Variants in TMEM232 observed in about 807,000 individuals in gnomAD.
TMEM232 encodes the protein transmembrane protein 232.
In TMEM232, 80 loss-of-function variants were observed where a neutral mutation model predicts 78.8. The ratio of observed to expected loss-of-function variants is 1.01; its 90% CI spans 0.85 to 1.22. The LOEUF is 1.22. Among genes scored for constraint, TMEM232 ranks in the 50% most tolerant of loss-of-function variants. The pLI, the probability that TMEM232 is intolerant of heterozygous loss-of-function variation, is 0.00. For missense variants in TMEM232, 881 were observed against 742.2 expected, an observed-to-expected ratio of 1.19 and a Z score of -2.17; for synonymous variants, 297 against 254.3, an observed-to-expected ratio of 1.17 and a Z score of -1.60.
chr5:110,502,517 C>G (rs1296227034), intron 12 of TMEM232, among the ~76,000 whole-genome samples: 1 of 152,140 alleles, frequency 6.6e-6, no homozygotes, highest in African/African-American at 2.4e-5. Context: ...ACCTTTAGAC[C>G]ATGATCCTTT....
At chr5:110,713,064 C>T (rs2150319620) in intron 1 of TMEM232, among the ~76,000 whole-genome samples, 1 of 151,798 alleles carries the variant, frequency 6.6e-6, no homozygotes, top group East Asian at 1.9e-4. Context: ...CAATGGAGTA[C>T]TATTCAGCCA....
intron 13 of TMEM232, among the ~76,000 whole-genome samples, chr5:110,421,606 G>T (rs1756655740): frequency 6.6e-6 from 1 of 152,006 alleles, no homozygotes; most frequent in East Asian, 1.9e-4. Context: ...CTCAGCTCAT[G>T]CATATACACA....
At chr5:110,511,357 G>A (rs1003522882) in intron 12 of TMEM232, among the ~76,000 whole-genome samples, 6 of 151,678 alleles carry the variant, frequency 4.0e-5, no homozygotes, top group African/African-American at 1.5e-4. Context: ...ATGGGTTGAT[G>A]GGTACAGCAA....
At chr5:110,697,526 A>G (rs1794939920) in intron 1 of TMEM232, among the ~76,000 whole-genome samples, 1 of 152,206 alleles carries the variant, frequency 6.6e-6, no homozygotes, top group South Asian at 2.1e-4. Context: ...ACAGAATGGG[A>G]GAAAATTTTT....
chr5:110,526,189 C>T lies in TMEM232; in HGVS notation c.1703+2399G>A, dbSNP rs141241705. Reference sequence around the variant, plus strand: ...TTTTCATAAATAGAACAAAAAAATCCATAAACCACAGAGGAAAATTAATAA... The same window carrying T: ...TTTTCATAAATAGAACAAAAAAATCTATAAACCACAGAGGAAAATTAATAA... On this transcript the variant is annotated intron_variant, in intron 12 of 13. Transcript: ENST00000455884. Among the ~76,000 whole-genome samples the T allele has an allele frequency of 8.6e-5, 13 of 150,418 alleles. No homozygotes were observed. In the East Asian group the frequency reaches 1.6e-3, roughly 18 times the overall value.
At chr5:110,388,987 G>A (rs1040525378) in intron 4 of TMEM232, among the ~76,000 whole-genome samples, 1 of 152,266 alleles carries the variant, frequency 6.6e-6, no homozygotes, top group African/African-American at 2.4e-5. Context: ...GGGGCCGGGT[G>A]CAGTGGCTCA....
chr5:110,602,415 T>C (rs1316228373), intron 10 of TMEM232, among the ~76,000 whole-genome samples: 2 of 151,418 alleles, frequency 1.3e-5, no homozygotes, highest in African/African-American at 4.9e-5. Context: ...AGGTCTAATA[T>C]CCAGAATCTA....
At chr5:110,620,552 T>C (rs1783500291) in intron 7 of TMEM232, among the ~76,000 whole-genome samples, 1 of 143,280 alleles carries the variant, frequency 7.0e-6, no homozygotes, top group African/African-American at 2.6e-5. Context: ...AGACATCCCA[T>C]AGTTCCTTGT....
At position 110,606,236 on chromosome 5, in the gene TMEM232, G is replaced by A. The variant is rs763386855; in HGVS notation, c.954C>T (p.Asn318=). 4.5e-6 allele frequency: 7 copies of A among 1,543,652 alleles called. No individual in the cohort carries two copies. Among genetic ancestry groups the A allele is most frequent in the South Asian group, 1.2e-5 (1 of 83,092 alleles). ...LLVLGEAAKL[N]MACLKALMDV... ...CCATTAAAGCTTTCAAGCAGGCCAT[G>A]TTTAATTTGGCAGCCTCCCCAAGGA... Residue 318 remains asparagine, a synonymous_variant, in exon 9 of 14, where the codon AAC becomes AAT. Transcript: ENST00000455884.
intron 12 of TMEM232, among the ~76,000 whole-genome samples, chr5:110,501,953 G>T (rs1303905122): frequency 6.6e-6 from 1 of 152,018 alleles, no homozygotes; most frequent in East Asian, 1.9e-4. Context: ...ATATTGAATT[G>T]TTTGTTACTA....
chr5:110,541,809 A>C (rs932099810), intron 11 of TMEM232, among the ~76,000 whole-genome samples: 1 of 152,188 alleles, frequency 6.6e-6, no homozygotes, highest in Non-Finnish European at 1.5e-5. Context: ...TGATCCAGAA[A>C]CAGCCAGTTT....
chr5:110,505,756 C>G (rs1766813150), intron 12 of TMEM232, among the ~76,000 whole-genome samples: 1 of 152,170 alleles, frequency 6.6e-6, no homozygotes, highest in South Asian at 2.1e-4. Flanking sequence ...GTGATCTGCC[C>G]TTCTCAGCCT....
intron 1 of TMEM232, among the ~76,000 whole-genome samples, chr5:110,686,760 AG>A (rs1793466577): frequency 6.6e-6 from 1 of 152,194 alleles, no homozygotes; most frequent in Admixed American, 6.6e-5. Context: ...ACAGTATAGA[AG>A]CATATTTCTC....
intron 2 of TMEM232, among the ~76,000 whole-genome samples, chr5:110,646,036 T>C (rs1000574863): frequency 6.6e-6 from 1 of 151,570 alleles, no homozygotes; most frequent in Non-Finnish European, 1.5e-5. Flanking sequence ...CTGAAAATTA[T>C]AAAACATTTA....
chr5:110,388,942 G>A (rs977143813), intron 4 of TMEM232, among the ~76,000 whole-genome samples: 2 of 152,130 alleles, frequency 1.3e-5, no homozygotes, highest in African/African-American at 2.4e-5. Context: ...TGTGTTGGAG[G>A]AGAGAAAAAT....
At chr5:110,430,597 A>G (rs1757722539) in intron 12 of TMEM232, among the ~76,000 whole-genome samples, 1 of 151,796 alleles carries the variant, frequency 6.6e-6, no homozygotes, top group Admixed American at 6.6e-5. Flanking sequence ...TTCTAAAAAT[A>G]TGTTTTTGTT....
chr5:110,508,216 TATG>T (rs1328777095), intron 12 of TMEM232, among the ~76,000 whole-genome samples: 1 of 152,106 alleles, frequency 6.6e-6, no homozygotes, highest in East Asian at 1.9e-4. Context: ...TCACTTCAGA[TATG>T]ATGGATGCTT....
At position 110,420,762 on chromosome 5, in the gene TMEM232, A is replaced by G; in HGVS notation, c.1798-6T>C. 6.6e-7 allele frequency: 1 copy of G among 1,509,562 alleles called. No homozygotes were observed. Among genetic ancestry groups the G allele is most frequent in the Non-Finnish European group, 8.8e-7 (1 of 1,138,558 alleles). 93.5% of individuals were successfully genotyped at this position (1,509,562 alleles called of 1,614,324 possible). On this transcript the variant is annotated splice_polypyrimidine_tract_variant and splice_region_variant and intron_variant, in intron 13 of 13. Coordinates refer to ENST00000455884, the MANE Select transcript of TMEM232 (RefSeq NM_001039763.4). ...ATCTTTAGCTCTTCCTGCCACTGTT[A>G]CAGAGAGAAAACGTCATTCACATGA...
intron 12 of TMEM232, among the ~76,000 whole-genome samples, chr5:110,474,631 C>T (rs1763049481): frequency 6.6e-6 from 1 of 151,804 alleles, no homozygotes; most frequent in African/African-American, 2.4e-5. Flanking sequence ...AATTGTTATC[C>T]TTAGTGACTT....
Sources: gnomAD v4.1 joint callset for allele counts (sites outside exome capture counted in the v4.1 genomes callset) on GRCh38, gnomAD v4.1.1 for gene constraint, MANE v1.5 for transcripts, NCBI Gene and HGNC (gene_info 2026-07-23, HGNC 2026-07-21) for gene names.